The following TLE1 variants were observed in gnomAD, a reference collection of about 807,000 sequenced individuals.
TLE1 encodes the protein TLE family member 1, transcriptional corepressor, also known as transducin-like enhancer protein 1.
TLE1 carries 21 observed loss-of-function variants against 89.8 expected under a neutral mutation model. The observed-to-expected ratio is 0.23, with a 90% confidence interval of 0.17 to 0.34. The LOEUF (loss-of-function observed/expected upper bound fraction) is 0.34. TLE1 is among the 10% of genes least tolerant of loss of function. The pLI is 1.00. For missense variants in TLE1, 795 were observed against 1,031.2 expected, an observed-to-expected ratio of 0.77 and a Z score of 3.14; for synonymous variants, 447 against 407.6, an observed-to-expected ratio of 1.10 and a Z score of -1.16.
rs755139526 is a variant in TLE1 at position 81,593,016 on chromosome 9, T to G, written c.1581+9A>C. 3 of 1,609,084 alleles carry G rather than the reference T, an allele frequency of 1.9e-6. No homozygotes were observed. The Admixed American group carries it at 5.0e-5, about 27-fold the overall frequency. ...AATTGCCCTTGTGCACCAGTTCCTG[T>G]TCACTCACCAGACAGTCGAGCTGGG... On this transcript the variant is annotated intron_variant, in intron 15 of 19. Transcript: ENST00000376499.
Position 81,634,309 on chromosome 9 carries a change from T to C in TLE1, c.373-8A>G. ...AGCTTGCAACTGCTGCTGCTGTTGGTGGTGGTGGTGAGAGAGAAAAAGGAG... is the reference window on the plus strand; with the variant it reads ...AGCTTGCAACTGCTGCTGCTGTTGGCGGTGGTGGTGAGAGAGAAAAAGGAG... On this transcript the variant is annotated splice_polypyrimidine_tract_variant and splice_region_variant and intron_variant, in intron 6 of 19. Coordinates refer to ENST00000376499, the MANE Select transcript of TLE1 (RefSeq NM_005077.5). The C allele has an allele frequency of 2.0e-6, 3 of 1,494,548 alleles. No homozygotes were observed. Among genetic ancestry groups the C allele is most frequent in the Non-Finnish European group, 2.7e-6 (3 of 1,110,588 alleles). The allele number at this position is 1,494,548 out of a possible 1,614,324, so 92.6% of individuals were successfully genotyped here.
At chr9:81,676,794 A>G (rs1458312067) in intron 4 of TLE1, among the ~76,000 whole-genome samples, 1 of 152,222 alleles carries the variant, frequency 6.6e-6, no homozygotes, top group Non-Finnish European at 1.5e-5. Context: ...GGGTGCGGCC[A>G]GGTTTGACAT....
intron 4 of TLE1, among the ~76,000 whole-genome samples, chr9:81,678,382 T>G (rs541740577): frequency 1.7e-4 from 25 of 151,394 alleles, no homozygotes; most frequent in Admixed American, 7.2e-4. Flanking sequence ...CCCAATTAAT[T>G]TTTTTTAAAT....
chr9:81,631,226 C>A (rs1826559452), intron 8 of TLE1, among the ~76,000 whole-genome samples: 1 of 152,196 alleles, frequency 6.6e-6, no homozygotes, highest in Admixed American at 6.5e-5. Flanking sequence ...CAACCAATAA[C>A]CCTCCCTCCA....
chr9:81,631,432 CTTCCACAA>C (rs1325998821), intron 8 of TLE1, among the ~76,000 whole-genome samples: 1 of 152,266 alleles, frequency 6.6e-6, no homozygotes, highest in African/African-American at 2.4e-5. Context: ...CGTGGTATCA[CTTCCACAA>C]TTCTGATACC....
intron 4 of TLE1, among the ~76,000 whole-genome samples, chr9:81,661,919 G>T (rs1300085770): frequency 6.6e-6 from 1 of 152,168 alleles, no homozygotes. Flanking sequence ...ACAATCATAC[G>T]TTACTGATGA....
intron 4 of TLE1, among the ~76,000 whole-genome samples, chr9:81,682,240 G>A (rs1392189674): frequency 6.7e-6 from 1 of 148,912 alleles, no homozygotes; most frequent in Non-Finnish European, 1.5e-5. Flanking sequence ...GGAACAAAGC[G>A]AGATTCCATC....
intron 4 of TLE1, among the ~76,000 whole-genome samples, chr9:81,684,148 TAA>T (rs202210085): frequency 3.0e-4 from 42 of 138,676 alleles, no homozygotes; most frequent in Non-Finnish European, 3.8e-4. Flanking sequence ...CAGAGTAAAT[TAA>T]AAAAAAAAAA....
intron 4 of TLE1, 114 bp downstream of exon 4, chr9:81,685,562 G>A (rs1834157106): frequency 9.5e-7 from 1 of 1,057,284 alleles, no homozygotes; most frequent in Non-Finnish European, 1.4e-6. Context: ...AACCAAGGCA[G>A]AAAAATAGCA....
intron 14 of TLE1, among the ~76,000 whole-genome samples, chr9:81,603,138 C>T (rs945468643): frequency 6.6e-6 from 1 of 152,162 alleles, no homozygotes; most frequent in African/African-American, 2.4e-5. Flanking sequence ...TCAGCCCCTT[C>T]CCCTATTGGG....
rs763774150 is a variant in TLE1, at chr9:81,616,121, G to A, written c.779C>T (p.Pro260Leu). The A allele has an allele frequency of 8.8e-5, 141 of 1,610,660 alleles. No homozygotes were observed. Among genetic ancestry groups the A allele is most frequent in the Non-Finnish European group, 1.1e-4 (130 of 1,179,280 alleles). ...VDVSNEDPSS[P>L]RASPAHSPRE... ...GGGCGAGTGGGCAGGGCTTGCTCGCGGAGAAGAAGGGTCCTCAACAAGCAT... is the reference window on the plus strand; with the variant it reads ...GGGCGAGTGGGCAGGGCTTGCTCGCAGAGAAGAAGGGTCCTCAACAAGCAT... Residue 260 changes from proline to leucine, a missense_variant, in exon 11 of 20, where the codon CCG (proline) becomes CTG (leucine). Physicochemically the swap from Pro to Leu is moderately conservative, Grantham distance 98. This residue lies in a region of TLE1 where 468 missense variants were observed against 509.1 expected (regional missense o/e 0.92). Coordinates refer to ENST00000376499, the MANE Select transcript of TLE1 (RefSeq NM_005077.5).
At position 81,685,345 on chromosome 9, in the gene TLE1, TCAG is replaced by T. The variant is rs1011530571; in HGVS notation, c.234+328_234+330del. On this transcript the variant is annotated intron_variant, in intron 4 of 19. Coordinates refer to ENST00000376499, the MANE Select transcript of TLE1 (RefSeq NM_005077.5). The stretch of plus-strand genomic sequence containing the variant: ...ACAAAAACATTAACTATTCTAAACT[TCAG>T]CAACTGTAGAAGATACCCAGCCCTT... Among the ~76,000 whole-genome samples, 61 of 152,216 alleles carry T rather than the reference TCAG, an allele frequency of 4.0e-4. 1 individual carries two copies. Among genetic ancestry groups the T allele is most frequent in the African/African-American group, 1.4e-3 (59 of 41,530 alleles).
chr9:81,611,340 C>T lies in TLE1; in HGVS notation c.1254+429G>A, dbSNP rs983257719. On this transcript the variant is annotated intron_variant, in intron 13 of 19. Coordinates refer to ENST00000376499, the MANE Select transcript of TLE1 (RefSeq NM_005077.5). ...GTAACATAGGCATAGAAAGAGAAAGCGATGGCTTCTCAGACATTTTTTCCT... is the reference window on the plus strand; with the variant it reads ...GTAACATAGGCATAGAAAGAGAAAGTGATGGCTTCTCAGACATTTTTTCCT... Among the ~76,000 whole-genome samples, 6 of 151,846 alleles carry T rather than the reference C, an allele frequency of 4.0e-5. No individual in the cohort carries two copies. The East Asian group carries it at 7.7e-4, about 20-fold the overall frequency.
intron 9 of TLE1, among the ~76,000 whole-genome samples, chr9:81,617,460 G>T (rs890184563): frequency 6.6e-6 from 1 of 152,194 alleles, no homozygotes; most frequent in Non-Finnish European, 1.5e-5. Flanking sequence ...CACTTTGGGA[G>T]GCCGAGGCGG....
chr9:81,627,608 G>C (rs955441061), intron 8 of TLE1, among the ~76,000 whole-genome samples: 1 of 152,128 alleles, frequency 6.6e-6, no homozygotes, highest in Non-Finnish European at 1.5e-5. Flanking sequence ...CCAGGAGTCT[G>C]CTTAAGAAAA....
rs1240580853 is a variant in TLE1, at chr9:81,688,650, C to T, written c.-410G>A. ...CGGCGCCAGTCCTGGGCAAACAAAT[C>T]CAGACGGACTGCTTTTCTTTGCTCT... is the stretch of plus-strand genomic sequence containing the variant. On this transcript the variant is annotated 5_prime_UTR_variant, in exon 1 of 20. Transcript: ENST00000376499. 5.3e-6 allele frequency: 1 copy of T among 189,014 alleles called. No individual in the cohort carries two copies. The highest frequency in any genetic ancestry group is 1.1e-5 in the Non-Finnish European group (1 of 92,652). The allele number at this position is 189,014 out of a possible 1,614,324, so 11.7% of individuals were successfully genotyped here.
At position 81,584,302 on chromosome 9, in the gene TLE1, T is replaced by C; in HGVS notation, c.2209A>G (p.Lys737Glu). The change falls in exon 20 of 20, where the codon AAA (lysine) becomes GAA (glutamate). Residue 737 changes from lysine to glutamate, a missense_variant. Lys to Glu is a moderately conservative substitution (Grantham distance 56, BLOSUM62 1). Coordinates refer to ENST00000376499, the MANE Select transcript of TLE1 (RefSeq NM_005077.5). Reference protein sequence around the residue: ...TPYGASIFQSKESSSVLSCDI... With the variant: ...TPYGASIFQSEESSSVLSCDI... Reference sequence around the variant, plus strand: ...CAGCTAAGCACTGACGAGGACTCTTTGGACTGGAAGAGAAAACAATGGACA... The same window carrying C: ...CAGCTAAGCACTGACGAGGACTCTTCGGACTGGAAGAGAAAACAATGGACA... 6.2e-7 allele frequency: 1 copy of C among 1,614,050 alleles called. No homozygotes were observed. Among genetic ancestry groups the C allele is most frequent in the African/African-American group, 1.3e-5 (1 of 75,030 alleles).
chr9:81,602,771 C>G (rs1831109094), intron 14 of TLE1, among the ~76,000 whole-genome samples: 1 of 152,042 alleles, frequency 6.6e-6, no homozygotes, highest in Admixed American at 6.5e-5. Context: ...CAACACTCAG[C>G]TAGGACCTTA....
intron 6 of TLE1, among the ~76,000 whole-genome samples, chr9:81,648,850 T>C (rs1199056481): frequency 6.6e-6 from 1 of 152,160 alleles, no homozygotes; most frequent in Non-Finnish European, 1.5e-5. Context: ...GTAAAAACGA[T>C]CCTGATCTAA....
Sources: allele counts gnomAD v4.1 joint callset (sites outside exome capture counted in the v4.1 genomes callset), GRCh38; gene constraint gnomAD v4.1.1; regional missense constraint gnomAD v4.1.1; transcripts MANE v1.5; gene names NCBI Gene and HGNC (gene_info 2026-07-23, HGNC 2026-07-21).